HERC3: variants seen among roughly 807,000 people sequenced by gnomAD.
HERC3 encodes probable E3 ubiquitin-protein ligase HERC3.
Under a neutral mutation model 129.9 loss-of-function variants are expected in HERC3, and 58 were observed. The ratio of observed to expected loss-of-function variants is 0.45; its 90% confidence interval spans 0.36 to 0.56. HERC3 has a LOEUF of 0.56. Among genes scored for constraint, HERC3 ranks in the 20% least tolerant of loss-of-function variants. HERC3 has a pLI of 0.00. For synonymous variants in HERC3, 430 were observed against 451.0 expected (o/e 0.95, Z 0.59); for missense variants, 835 against 1,244.2 (o/e 0.67, Z 4.95).
At chr4:88,557,671 G>A in the HERC3 span, among the ~76,000 whole-genome samples, 1 of 152,098 alleles carries the variant, frequency 6.6e-6, no homozygotes, top group Non-Finnish European at 1.5e-5. Flanking sequence ...CTTTCAGATC[G>A]GATGTGGTGA....
rs1169374139 is a variant in HERC3, at chr4:88,653,945, C to T, written c.686-97C>T. 24 of 842,354 alleles carry T rather than the reference C, an allele frequency of 2.8e-5. 1 individual carries two copies. Among genetic ancestry groups the T allele is most frequent in the Non-Finnish European group, 4.0e-5 (20 of 505,594 alleles). The allele number at this position is 842,354 out of a possible 1,614,324, so 52.2% of individuals were successfully genotyped here. A position where few individuals can be genotyped will look rare whatever the true frequency, so the allele number is the denominator to read the frequency against. On this transcript the variant is annotated intron_variant, in intron 6 of 25. Transcript: ENST00000402738. ...TGCAGGCAGGAAACTGAACATGCGT[C>T]AGGAATCCAGGAATCCAAAATTCAT... is the stretch of plus-strand genomic sequence containing the variant.
At chr4:88,553,892 G>A in the HERC3 span, among the ~76,000 whole-genome samples, 1 of 152,186 alleles carries the variant, frequency 6.6e-6, no homozygotes, top group Non-Finnish European at 1.5e-5. Flanking sequence ...CCTGGGAGGC[G>A]GAGGTTGCAG....
the HERC3 span, among the ~76,000 whole-genome samples, chr4:88,525,225 A>G: frequency 6.6e-6 from 1 of 152,196 alleles, no homozygotes; most frequent in Non-Finnish European, 1.5e-5. Flanking sequence ...CCGTTATTAG[A>G]GTTACTAACG....
intron 2 of HERC3, among the ~76,000 whole-genome samples, chr4:88,597,616 A>G (rs1386036724): frequency 1.3e-5 from 2 of 152,112 alleles, no homozygotes; most frequent in African/African-American, 4.8e-5. Flanking sequence ...AGACTTTTCA[A>G]TTCTTGCCAG....
intron 3 of HERC3, among the ~76,000 whole-genome samples, chr4:88,622,176 A>G (rs1307643347): frequency 6.6e-6 from 1 of 152,170 alleles, no homozygotes; most frequent in East Asian, 1.9e-4. Flanking sequence ...ACAACCATTA[A>G]TCTACTTTCT....
chr4:88,546,513 T>TTTCCTTCC, the HERC3 span, among the ~76,000 whole-genome samples: 1 of 140,178 alleles, frequency 7.1e-6, no homozygotes, highest in African/African-American at 2.6e-5. Context: ...CCCTTCCTCC[T>TTTCCTTCC]TTCCTTCCTT....
chr4:88,686,445 T>G (rs1040625689), intron 21 of HERC3, among the ~76,000 whole-genome samples: 3 of 152,114 alleles, frequency 2.0e-5, no homozygotes, highest in African/African-American at 4.8e-5. Context: ...TACACCAGAG[T>G]TAAGAGGACA....
intron 3 of HERC3, among the ~76,000 whole-genome samples, chr4:88,640,641 C>T (rs774467878): frequency 5.3e-5 from 8 of 151,966 alleles, no homozygotes; most frequent in Admixed American, 2.6e-4. Flanking sequence ...AAACAAGTGA[C>T]GGGTTAATAG....
intron 3 of HERC3, among the ~76,000 whole-genome samples, chr4:88,646,717 T>C (rs895400864): frequency 6.6e-6 from 1 of 152,146 alleles, no homozygotes; most frequent in African/African-American, 2.4e-5. Context: ...GAATGAGGCA[T>C]TCATCAGCAC....
intron 23 of HERC3, chr4:88,692,974 T>C (rs1296114682): frequency 6.1e-6 from 6 of 982,234 alleles, no homozygotes; most frequent in African/African-American, 1.8e-5. Flanking sequence ...AAAAGCAAAA[T>C]TGTAATAGTT....
chr4:88,547,615 G>A, the HERC3 span, among the ~76,000 whole-genome samples: 1 of 152,138 alleles, frequency 6.6e-6, no homozygotes, highest in South Asian at 2.1e-4. Flanking sequence ...CAGACAATAT[G>A]TGATCTTTTG....
chr4:88,604,578 C>G (rs1477250339), intron 2 of HERC3, among the ~76,000 whole-genome samples: 1 of 152,142 alleles, frequency 6.6e-6, no homozygotes, highest in Non-Finnish European at 1.5e-5. Context: ...GATTCTTTTA[C>G]TTAGCATAAT....
In HERC3 at chr4:88,684,348, C is replaced by G. The variant is rs567560914; in HGVS notation, c.2508-2388C>G. Among the ~76,000 whole-genome samples, 24 of 152,176 alleles carry G rather than the reference C, an allele frequency of 1.6e-4. No homozygotes were observed. The East Asian group carries it at 4.6e-3, about 29-fold the overall frequency. Reference sequence around the variant, plus strand: ...ATCATCTGATTTTCGACAAACCTGACAAAAACAAGCAATGAGGAAAGGATT... The same window carrying G: ...ATCATCTGATTTTCGACAAACCTGAGAAAAACAAGCAATGAGGAAAGGATT... On this transcript the variant is annotated intron_variant, in intron 21 of 25. Transcript: ENST00000402738.
intron 23 of HERC3, among the ~76,000 whole-genome samples, chr4:88,689,532 C>CA (rs34892852): frequency 9.8e-4 from 102 of 103,616 alleles, no homozygotes; most frequent in East Asian, 2.1e-3. Context: ...CCGCCCCCGC[C>CA]AAAAAAAAAA....
intron 3 of HERC3, among the ~76,000 whole-genome samples, chr4:88,647,217 G>A: frequency 6.6e-6 from 1 of 152,152 alleles, no homozygotes; most frequent in Admixed American, 6.6e-5. Flanking sequence ...AGAGAGGGAT[G>A]CTATTGAGAG....
chr4:88,524,835 A>G, the HERC3 span: 1 of 151,964 alleles, frequency 6.6e-6, no homozygotes, highest in Non-Finnish European at 1.5e-5. Flanking sequence ...GCTGAATATC[A>G]ACCTGAACTT....
At chr4:88,682,959 T>C (rs1578309940) in intron 21 of HERC3, among the ~76,000 whole-genome samples, 1 of 152,220 alleles carries the variant, frequency 6.6e-6, no homozygotes, top group African/African-American at 2.4e-5. Flanking sequence ...AGTGTTCTTA[T>C]TTCTCCACAT....
At chr4:88,693,975 A>G (rs1467064089) in intron 23 of HERC3, among the ~76,000 whole-genome samples, 1 of 152,250 alleles carries the variant, frequency 6.6e-6, no homozygotes, top group Non-Finnish European at 1.5e-5. Flanking sequence ...TCAAATAAGC[A>G]GTCCAGGAAA....
chr4:88,693,727 G>T (rs949524353), intron 23 of HERC3: 1 of 978,854 alleles, frequency 1.0e-6, no homozygotes, highest in Admixed American at 6.1e-5. Context: ...AGAGAGAGCT[G>T]CCATGCCATT....
Sources: gnomAD v4.1 joint callset for allele counts (sites outside exome capture counted in the v4.1 genomes callset) on GRCh38, gnomAD v4.1.1 for gene constraint, MANE v1.5 for transcripts, NCBI Gene and HGNC (gene_info 2026-07-23, HGNC 2026-07-21) for gene names.